The following CYTH1 variants were observed in gnomAD, a reference collection of about 807,000 sequenced individuals.
The protein encoded by CYTH1 is cytohesin 1.
CYTH1 carries 18 observed loss-of-function variants against 61.8 expected under a neutral mutation model. The observed-to-expected ratio is 0.29, with a 90% CI of 0.20 to 0.43. The LOEUF (loss-of-function observed/expected upper bound fraction) is 0.43. CYTH1 is among the 20% of genes least tolerant of loss of function. The pLI is 1.00. For missense variants in CYTH1, 336 were observed against 510.5 expected (o/e 0.66, Z 3.29); for synonymous variants, 174 against 184.3 (o/e 0.94, Z 0.45).
Position 78,782,192 on chromosome 17 carries a change from G to T in CYTH1, c.22+10C>A. The T allele has an allele frequency of 7.3e-7, 1 of 1,367,492 alleles. No homozygotes were observed. 84.7% of individuals were successfully genotyped at this position (1,367,492 alleles called of 1,614,324 possible). On this transcript the variant is annotated intron_variant, in intron 1 of 13. Coordinates refer to ENST00000446868, the MANE Select transcript of CYTH1 (RefSeq NM_004762.6). ...CGAGGGGGAAGCGTCCGCCGCCGGGGCGCACTGACCGTAGCTGTCGTCCTC... is the reference window on the plus strand; with the variant it reads ...CGAGGGGGAAGCGTCCGCCGCCGGGTCGCACTGACCGTAGCTGTCGTCCTC...
At chr17:78,723,707 C>T (rs897897747) in intron 1 of CYTH1, 1 of 152,360 alleles carries the variant, frequency 6.6e-6, no homozygotes, top group Non-Finnish European at 1.5e-5. Flanking sequence ...TCCTCTCTCC[C>T]TCAGAAGCAA....
chr17:78,781,450 G>A (rs2093517259), intron 1 of CYTH1, among the ~76,000 whole-genome samples: 2 of 152,222 alleles, frequency 1.3e-5, no homozygotes, highest in Non-Finnish European at 2.9e-5. Flanking sequence ...GAAGGGAGCG[G>A]GACAGCGGCT....
chr17:78,744,823 A>G (rs1384365174), intron 1 of CYTH1, among the ~76,000 whole-genome samples: 1 of 151,568 alleles, frequency 6.6e-6, no homozygotes, highest in Non-Finnish European at 1.5e-5. Context: ...ATCAAAAGAA[A>G]AACTCAAAAC....
intron 1 of CYTH1, among the ~76,000 whole-genome samples, chr17:78,725,380 T>C (rs1411751860): frequency 6.6e-6 from 1 of 152,238 alleles, no homozygotes; most frequent in Non-Finnish European, 1.5e-5. Flanking sequence ...GCTGGTTATC[T>C]ACCACCATGT....
chr17:78,730,856 G>A (rs968627073), intron 1 of CYTH1, among the ~76,000 whole-genome samples: 1 of 151,838 alleles, frequency 6.6e-6, no homozygotes, highest in Non-Finnish European at 1.5e-5. Flanking sequence ...AGTAGAGATG[G>A]GGTTTCACCG....
rs190900554 is a variant in CYTH1 at position 78,733,244 on chromosome 17, T to C, written c.23-23512A>G. On this transcript the variant is annotated intron_variant, in intron 1 of 13. Transcript: ENST00000446868. ...AATACTAGTTTATACACACATGCTA[T>C]CTTACAGCTTAAAATGTTTTCTCAT... Among the ~76,000 whole-genome samples, 6 of 152,320 alleles carry C rather than the reference T, an allele frequency of 3.9e-5. No individual in the cohort carries two copies. The East Asian group carries it at 1.2e-3, about 29-fold the overall frequency.
At chr17:78,781,756 G>T (rs8071452) in intron 1 of CYTH1, among the ~76,000 whole-genome samples, 1 of 151,896 alleles carries the variant, frequency 6.6e-6, no homozygotes, top group African/African-American at 2.4e-5. Flanking sequence ...CAGAGGGGCG[G>T]CAGGGCCAGC....
At chr17:78,702,085 G>T in intron 5 of CYTH1, 37 bp downstream of exon 5, 1 of 1,496,518 alleles carries the variant, frequency 6.7e-7, no homozygotes, top group Non-Finnish European at 9.3e-7. Flanking sequence ...TTCCTGAACA[G>T]CCTTCCCTAG....
chr17:78,675,642 AAAT>A lies in CYTH1; in HGVS notation c.*446_*448del. On this transcript the variant is annotated 3_prime_UTR_variant, in exon 14 of 14. Transcript: ENST00000446868. ...CCTACGTTCTCTCTTAAAAAAAAAA[AAAT>A]AGATCTTTATAGTATGTGGCTTCTC... 2 of 340,630 alleles carry A rather than the reference AAAT, an allele frequency of 5.9e-6. No homozygotes were observed. The highest frequency in any genetic ancestry group is 1.0e-5 in the Non-Finnish European group (2 of 190,774). 21.1% of individuals were successfully genotyped at this position (340,630 alleles called of 1,614,324 possible).
rs2093517955 is a variant in CYTH1 at position 78,781,577 on chromosome 17, G to C, written c.22+625C>G. Among the ~76,000 whole-genome samples, 16 of 152,200 alleles carry C rather than the reference G, an allele frequency of 1.1e-4. No homozygotes were observed. In the South Asian group the frequency reaches 3.3e-3, roughly 32 times the overall value. On this transcript the variant is annotated intron_variant, in intron 1 of 13. Transcript: ENST00000446868. Reference sequence around the variant, plus strand: ...ACCGGACCGGCGGCTACCGGGCCCAGACTCCCGCGGGCAGGGCCGTCCCGG... The same window carrying C: ...ACCGGACCGGCGGCTACCGGGCCCACACTCCCGCGGGCAGGGCCGTCCCGG...
At chr17:78,707,013 A>G (rs1465353340) in intron 3 of CYTH1, among the ~76,000 whole-genome samples, 1 of 152,164 alleles carries the variant, frequency 6.6e-6, no homozygotes, top group East Asian at 1.9e-4. Flanking sequence ...TAATAGTTTT[A>G]TCTTTTACAA....
At chr17:78,772,094 A>G (rs1363172764) in intron 1 of CYTH1, among the ~76,000 whole-genome samples, 1 of 152,216 alleles carries the variant, frequency 6.6e-6, no homozygotes, top group Non-Finnish European at 1.5e-5. Context: ...AACAATAATT[A>G]GAGACAATCA....
chr17:78,731,440 G>A (rs1328438335), intron 1 of CYTH1, among the ~76,000 whole-genome samples: 1 of 152,128 alleles, frequency 6.6e-6, no homozygotes, highest in African/African-American at 2.4e-5. Flanking sequence ...GGAGAAGATG[G>A]TGGCAGTTTT....
intron 3 of CYTH1, among the ~76,000 whole-genome samples, chr17:78,706,275 C>G (rs933208760): frequency 6.6e-6 from 1 of 152,104 alleles, no homozygotes; most frequent in Non-Finnish European, 1.5e-5. Flanking sequence ...TTCCCTATGG[C>G]CCTTCCTAGT....
intron 10 of CYTH1, 81 bp from the exon 11 acceptor site, chr17:78,692,574 T>G: frequency 5.1e-5 from 68 of 1,344,478 alleles, no homozygotes; most frequent in Non-Finnish European, 6.4e-5. Context: ...ACACCCTCTC[T>G]TCTCAGAGAG....
chr17:78,753,959 A>G (rs1311926902), intron 1 of CYTH1, among the ~76,000 whole-genome samples: 1 of 152,168 alleles, frequency 6.6e-6, no homozygotes, highest in Non-Finnish European at 1.5e-5. Context: ...AAAATGATTC[A>G]CCACTGAGTG....
At chr17:78,746,842 C>T (rs946444177) in intron 1 of CYTH1, among the ~76,000 whole-genome samples, 17 of 151,822 alleles carry the variant, frequency 1.1e-4, no homozygotes, top group African/African-American at 2.7e-4. Context: ...CTTCAGAGGG[C>T]GAGGCAGGTG....
In CYTH1 at chr17:78,760,384, T is replaced by TATATATATAC. The variant is rs751494741; in HGVS notation, c.22+21817_22+21818insGTATATATAT. On this transcript the variant is annotated intron_variant, in intron 1 of 13. Transcript: ENST00000446868. Reference sequence around the variant, plus strand: ...ATATATATATATATATATATATATATACACACACATACATATATATATGTG... The same window carrying TATATATATAC: ...ATATATATATATATATATATATATATATATATATACACACACACATACATATATATATGTG... 2.6e-3 allele frequency among the ~76,000 whole-genome samples: 136 copies of TATATATATAC among 51,392 alleles called. 11 individuals carry two copies. Among genetic ancestry groups the TATATATATAC allele is most frequent in the African/African-American group, 9.9e-3 (125 of 12,598 alleles). 33.7% of individuals were successfully genotyped at this position (51,392 alleles called of 152,430 possible). A position where few individuals can be genotyped will look rare whatever the true frequency, so the allele number is the denominator to read the frequency against.
chr17:78,689,752 G>A (rs369816485), intron 11 of CYTH1, among the ~76,000 whole-genome samples: 2 of 152,078 alleles, frequency 1.3e-5, no homozygotes, highest in African/African-American at 2.4e-5. Flanking sequence ...TGTCTATAAC[G>A]GCTGCTTTTT....
Sources: gnomAD v4.1 joint callset for allele counts (sites outside exome capture counted in the v4.1 genomes callset) on GRCh38, gnomAD v4.1.1 for gene constraint, MANE v1.5 for transcripts, NCBI Gene and HGNC (gene_info 2026-07-23, HGNC 2026-07-21) for gene names.